The following IFIT2 variants were observed in gnomAD, a reference collection of about 807,000 sequenced individuals.
IFIT2 encodes the protein interferon-induced protein with tetratricopeptide repeats 2.
In IFIT2, 3 loss-of-function variants were observed where a neutral mutation model predicts 2.5. That is an observed-to-expected ratio of 1.21 (90% CI 0.55 to 3.14). The LOEUF (loss-of-function observed/expected upper bound fraction) is 3.14, where lower values mean the gene tolerates loss of function less well. Among genes scored for constraint, IFIT2 ranks in the 30% most tolerant of loss-of-function variants. IFIT2 has a pLI of 0.03. For synonymous variants in IFIT2, 212 were observed against 200.7 expected (o/e 1.06, Z -0.48); for missense variants, 493 against 558.9 (o/e 0.88, Z 1.19).
rs1238573927 is a variant in IFIT2 at position 89,307,175 on chromosome 10, G to A, written c.1219G>A (p.Glu407Lys). 9.9e-6 allele frequency: 16 copies of A among 1,613,940 alleles called. No individual in the cohort carries two copies. The highest frequency in any genetic ancestry group is 1.4e-5 in the Non-Finnish European group (16 of 1,179,922). The change falls in exon 2 of 2, where the codon GAG becomes AAG. Residue 407 changes from glutamate (E) to lysine (K), a missense_variant. By Grantham distance (56) the Glu-to-Lys change is moderately conservative. Transcript: ENST00000371826. Reference sequence around the variant, plus strand: ...TGTAAAAATAAACCAGAAATCAAGGGAGAAAGAAAAGATGAAAGACAAACT... The same window carrying A: ...TGTAAAAATAAACCAGAAATCAAGGAAGAAAGAAAAGATGAAAGACAAACT... ...EGVKINQKSREKEKMKDKLQK... is the reference protein window; with the variant it reads ...EGVKINQKSRKKEKMKDKLQK...
rs777431904 is a variant in IFIT2, at chr10:89,306,090, AGAAT to A, written c.135_138del (p.Gln45HisfsTer15). The A allele has an allele frequency of 2.5e-6, 4 of 1,614,162 alleles. No homozygotes were observed. Among genetic ancestry groups the A allele is most frequent in the Non-Finnish European group, 1.7e-6 (2 of 1,179,996 alleles). On this transcript the variant is annotated frameshift_variant, in exon 2 of 2. Coordinates refer to ENST00000371826, the MANE Select transcript of IFIT2 (RefSeq NM_001547.5). LOFTEE classifies it low-confidence loss of function (END_TRUNC). ...AAAGTATTTTACCGGACTGAGTTTCAGAATCGTGAATTCAAAGCCACAATGTGCA... is the reference window on the plus strand; with the variant it reads ...AAAGTATTTTACCGGACTGAGTTTCACGTGAATTCAAAGCCACAATGTGCA...
chr10:89,302,938 T>C (rs1270998216), intron 1 of IFIT2, among the ~76,000 whole-genome samples: 1 of 151,942 alleles, frequency 6.6e-6, no homozygotes, highest in Non-Finnish European at 1.5e-5. Context: ...TTGCCCTCTG[T>C]CTGTGAGGTT....
chr10:89,305,929 T>C (rs1290376239), intron 1 of IFIT2, 33 bp from the exon 2 acceptor site: 1 of 1,470,300 alleles, frequency 6.8e-7, no homozygotes, highest in African/African-American at 1.4e-5. Context: ...TAAATCTGTG[T>C]CTCAAAGTCC....
At position 89,302,145 on chromosome 10, in the gene IFIT2, C is replaced by G; in HGVS notation, c.5+17C>G. ...AACCATGAGGTAAATATTTTCCCTT[C>G]GTATTCGGTAGTGCTGTTGAGTCAT... On this transcript the variant is annotated intron_variant, in intron 1 of 1. Coordinates refer to ENST00000371826, the MANE Select transcript of IFIT2 (RefSeq NM_001547.5). 6.2e-7 allele frequency: 1 copy of G among 1,613,700 alleles called. No homozygotes were observed. The highest frequency in any genetic ancestry group is 1.1e-5 in the South Asian group (1 of 91,074).
At chr10:89,304,718 C>T (rs1398293320) in intron 1 of IFIT2, among the ~76,000 whole-genome samples, 1 of 152,054 alleles carries the variant, frequency 6.6e-6, no homozygotes, top group African/African-American at 2.4e-5. Flanking sequence ...GAAATACAGG[C>T]TTTTGCTCAT....
intron 1 of IFIT2, among the ~76,000 whole-genome samples, chr10:89,302,737 A>T (rs1190654816): frequency 6.6e-6 from 1 of 152,108 alleles, no homozygotes; most frequent in East Asian, 1.9e-4. Context: ...TTCTGTTCTC[A>T]CCTCTAACAT....
chr10:89,306,820 G>T lies in IFIT2; in HGVS notation c.864G>T (p.Gly288=), dbSNP rs750791162. The change falls in exon 2 of 2, where the codon GGG becomes GGT. Residue 288 remains glycine, a synonymous_variant. Coordinates refer to ENST00000371826, the MANE Select transcript of IFIT2 (RefSeq NM_001547.5). ...PNNAYLHCQI[G]CCYRAKVFQV... The stretch of plus-strand genomic sequence containing the variant: ...ATGCCTACCTGCATTGCCAAATTGG[G>T]TGCTGCTATAGGGCAAAAGTCTTCC... 8.7e-6 allele frequency: 14 copies of T among 1,614,108 alleles called. No homozygotes were observed. In the South Asian group the frequency reaches 1.1e-4, roughly 13 times the overall value.
rs1380030753 is a variant in IFIT2 at position 89,306,026 on chromosome 10, T to C, written c.70T>C (p.Leu24=). 1 of 1,613,916 alleles carries C rather than the reference T, an allele frequency of 6.2e-7. No homozygotes were observed. The highest frequency in any genetic ancestry group is 1.3e-5 in the African/African-American group (1 of 74,904). ...ACTAAAATGCCATTTCACCTGGAACTTGATGGAGGGAGAAAACTCCTTGGA... is the reference window on the plus strand; with the variant it reads ...ACTAAAATGCCATTTCACCTGGAACCTGATGGAGGGAGAAAACTCCTTGGA... ...RQLKCHFTWN[L]MEGENSLDDF... is the part of the protein sequence containing the mutation. The change falls in exon 2 of 2, where the codon TTG becomes CTG. Residue 24 remains leucine (L), a synonymous_variant. Transcript: ENST00000371826.
rs1194755977 is a variant in IFIT2, at chr10:89,309,068, CTT to C, written c.*1697_*1698del. 6.6e-6 allele frequency: 1 copy of C among 152,188 alleles called. No homozygotes were observed. 9.4% of individuals were successfully genotyped at this position (152,188 alleles called of 1,614,324 possible). ...TCATAATCACCTGAACAGAACAAAA[CTT>C]TTTCCTCAGCTTTAAGAGTCCAGGG... On this transcript the variant is annotated 3_prime_UTR_variant, in exon 2 of 2. Coordinates refer to ENST00000371826, the MANE Select transcript of IFIT2 (RefSeq NM_001547.5).
chr10:89,302,228 G>A (rs1564780283), intron 1 of IFIT2, 100 bp downstream of exon 1: 1 of 1,303,152 alleles, frequency 7.7e-7, no homozygotes, highest in Non-Finnish European at 1.1e-6. Context: ...CTCCATTTTA[G>A]TGTTTGTTTA....
rs780379595 is a variant in IFIT2 at position 89,306,847 on chromosome 10, A to G, written c.891A>G (p.Gln297=). 3 of 1,614,012 alleles carry G rather than the reference A, an allele frequency of 1.9e-6. No homozygotes were observed. Among genetic ancestry groups the G allele is most frequent in the Non-Finnish European group, 2.5e-6 (3 of 1,179,984 alleles). The part of the protein sequence containing the change: ...IGCCYRAKVF[Q]VMNLRENGMY... ...GCTGCTATAGGGCAAAAGTCTTCCA[A>G]GTAATGAATCTAAGAGAGAATGGAA... Residue 297 remains glutamine (Q), a synonymous_variant, in exon 2 of 2, where the codon CAA becomes CAG. Transcript: ENST00000371826.
intron 1 of IFIT2, among the ~76,000 whole-genome samples, chr10:89,304,758 T>C (rs1843467817): frequency 6.6e-6 from 1 of 152,146 alleles, no homozygotes; most frequent in African/African-American, 2.4e-5. Flanking sequence ...TTTAGGGGTT[T>C]TTTTGTTGTT....
Position 89,307,328 on chromosome 10 carries a change from G to A in IFIT2, c.1372G>A (p.Glu458Lys), listed in dbSNP as rs1372316957. ...AGATGAAGACTCTGAGAGGGGTTTG[G>A]AGTCTGGAAGCCTCATCCCTTCAGC... ...QADEDSERGL[E>K]SGSLIPSASS... The change falls in exon 2 of 2, where the codon GAG becomes AAG. Residue 458 changes from glutamate to lysine, a missense_variant. Physicochemically the swap from Glu to Lys is moderately conservative, Grantham distance 56. Transcript: ENST00000371826. The A allele has an allele frequency of 1.2e-6, 2 of 1,612,492 alleles. No homozygotes were observed. Among genetic ancestry groups the A allele is most frequent in the Non-Finnish European group, 1.7e-6 (2 of 1,178,708 alleles).
chr10:89,305,445 G>A (rs547475213), intron 1 of IFIT2, among the ~76,000 whole-genome samples: 3 of 152,162 alleles, frequency 2.0e-5, no homozygotes, highest in African/African-American at 7.2e-5. Context: ...GAGAACTAAG[G>A]AATTAAGAAT....
rs1589596139 is a variant in IFIT2, at chr10:89,306,962, G to A, written c.1006G>A (p.Val336Ile). Residue 336 changes from valine (V) to isoleucine (I), a missense_variant, in exon 2 of 2, where the codon GTC (valine) becomes ATC (isoleucine). Coordinates refer to ENST00000371826, the MANE Select transcript of IFIT2 (RefSeq NM_001547.5). Reference sequence around the variant, plus strand: ...TGAGGCCAATGATAATCTCTTCCGTGTCTGTTCCATTCTTGCCAGCCTCCA... The same window carrying A: ...TGAGGCCAATGATAATCTCTTCCGTATCTGTTCCATTCTTGCCAGCCTCCA... ...ADEANDNLFR[V>I]CSILASLHAL... 6.2e-7 allele frequency: 1 copy of A among 1,614,032 alleles called. No individual in the cohort carries two copies. The highest frequency in any genetic ancestry group is 1.1e-5 in the South Asian group (1 of 91,086).
At chr10:89,305,095 G>A (rs779579964) in intron 1 of IFIT2, among the ~76,000 whole-genome samples, 1 of 151,944 alleles carries the variant, frequency 6.6e-6, no homozygotes, top group African/African-American at 2.4e-5. Context: ...AGAGGTATGG[G>A]GGGGAGGGGA....
intron 1 of IFIT2, among the ~76,000 whole-genome samples, chr10:89,303,467 T>C (rs1240206393): frequency 2.6e-5 from 4 of 152,224 alleles, no homozygotes; most frequent in African/African-American, 9.7e-5. Context: ...TTGTTGTGTA[T>C]ACAACTGGAA....
chr10:89,302,214 C>T (rs528727283), intron 1 of IFIT2, 86 bp downstream of exon 1: 42 of 1,403,920 alleles, frequency 3.0e-5, no homozygotes, highest in Middle Eastern at 3.6e-4. Context: ...CCAAAGAGGG[C>T]CAGCTCCATT....
In IFIT2 at chr10:89,306,922, T is replaced by C. The variant is rs1217114625; in HGVS notation, c.966T>C (p.His322=). 1.2e-6 allele frequency: 2 copies of C among 1,614,034 alleles called. No homozygotes were observed. The highest frequency in any genetic ancestry group is 3.3e-5 in the Admixed American group (2 of 60,008). The part of the protein sequence containing the change: ...LLELIGHAVA[H]LKKADEANDN... ...AACTAATAGGACACGCTGTGGCTCA[T>C]CTGAAGAAAGCTGATGAGGCCAATG... The change falls in exon 2 of 2, where the codon CAT becomes CAC. Residue 322 remains histidine (H), a synonymous_variant. Coordinates refer to ENST00000371826, the MANE Select transcript of IFIT2 (RefSeq NM_001547.5).
Sources: gnomAD v4.1 joint callset for allele counts (sites outside exome capture counted in the v4.1 genomes callset) on GRCh38, gnomAD v4.1.1 for gene constraint, MANE v1.5 for transcripts, NCBI Gene and HGNC (gene_info 2026-07-23, HGNC 2026-07-21) for gene names.